Variants in ARL15 observed in about 807,000 individuals in gnomAD.
The protein encoded by ARL15 is ADP-ribosylation factor-like protein 15.
A neutral mutation model predicts 25.2 loss-of-function variants in ARL15; 19 were observed. The ratio of observed to expected loss-of-function variants is 0.75; its 90% CI spans 0.53 to 1.10. The LOEUF (loss-of-function observed/expected upper bound fraction) is 1.10, where lower values mean the gene tolerates loss of function less well. ARL15 is among the 50% of genes least tolerant of loss of function. The probability of loss-of-function intolerance (pLI) is 0.00; values close to 1 mark genes in which losing one functional copy is unlikely to be tolerated. For synonymous variants in ARL15, 94 were observed against 86.8 expected, an observed-to-expected ratio of 1.08 and a Z score of -0.46; for missense variants, 220 against 246.0, an observed-to-expected ratio of 0.89 and a Z score of 0.71.
intron 1 of ARL15, among the ~76,000 whole-genome samples, chr5:54,254,933 C>A (rs1757326172): frequency 6.6e-6 from 1 of 152,230 alleles, no homozygotes; most frequent in South Asian, 2.1e-4. Context: ...GGTTTCCAGT[C>A]TTTCACAGCT....
intron 4 of ARL15, among the ~76,000 whole-genome samples, chr5:54,026,641 GAGTAA>G (rs1404849443): frequency 1.3e-5 from 2 of 152,152 alleles, no homozygotes; most frequent in African/African-American, 2.4e-5. Flanking sequence ...AGATTGTAAG[GAGTAA>G]AATTCCTAAT....
At chr5:54,223,971 C>T (rs1467194756) in intron 1 of ARL15, among the ~76,000 whole-genome samples, 11 of 152,002 alleles carry the variant, frequency 7.2e-5, no homozygotes, top group Admixed American at 1.3e-4. Flanking sequence ...GCAAAAAGTA[C>T]GCATCAGTAC....
intron 4 of ARL15, among the ~76,000 whole-genome samples, chr5:54,048,968 T>C (rs1245993529): frequency 2.0e-5 from 3 of 152,060 alleles, no homozygotes; most frequent in Non-Finnish European, 4.4e-5. Flanking sequence ...AGTGGGTCCC[T>C]GAACCCATCC....
chr5:54,133,739 C>T (rs1753509880), intron 3 of ARL15, among the ~76,000 whole-genome samples: 1 of 152,120 alleles, frequency 6.6e-6, no homozygotes, highest in Non-Finnish European at 1.5e-5. Context: ...TTACCCTAGA[C>T]TGTAGAAAGG....
At chr5:54,021,398 GA>G (rs368993711) in intron 4 of ARL15, among the ~76,000 whole-genome samples, 429 of 152,064 alleles carry the variant, frequency 2.8e-3, no homozygotes, top group African/African-American at 9.9e-3. Flanking sequence ...TAAAACAAAA[GA>G]AAAAATATAA....
chr5:54,192,287 T>C (rs1393929828), intron 1 of ARL15, among the ~76,000 whole-genome samples: 1 of 150,720 alleles, frequency 6.6e-6, no homozygotes, highest in African/African-American at 2.4e-5. Context: ...GCCAAAAAAA[T>C]TGCAACCTTT....
At chr5:54,108,084 A>T (rs702627) in intron 4 of ARL15, among the ~76,000 whole-genome samples, 151,474 of 152,260 alleles carry the variant, frequency 0.99, 75,348 homozygotes, top group East Asian at 1. Flanking sequence ...TTTAGTACTT[A>T]CAGCTTAAAA....
At chr5:53,938,074 C>T (rs1746410321) in intron 4 of ARL15, among the ~76,000 whole-genome samples, 1 of 151,992 alleles carries the variant, frequency 6.6e-6, no homozygotes, top group South Asian at 2.1e-4. Flanking sequence ...TCTCTTGATC[C>T]AGAGGCTTGT....
chr5:53,895,261 G>A (rs1039727281), intron 4 of ARL15, among the ~76,000 whole-genome samples: 1 of 152,196 alleles, frequency 6.6e-6, no homozygotes, highest in South Asian at 2.1e-4. Context: ...TCACACTTTA[G>A]TGGGACAGAG....
intron 4 of ARL15, among the ~76,000 whole-genome samples, chr5:54,071,439 A>G (rs1454249948): frequency 6.6e-6 from 1 of 151,482 alleles, no homozygotes; most frequent in Admixed American, 6.6e-5. Context: ...GGCAAGATAA[A>G]TAACAGTTAC....
intron 4 of ARL15, among the ~76,000 whole-genome samples, chr5:54,057,991 TATTTA>T (rs761755896): frequency 1.2e-5 from 1 of 83,666 alleles, no homozygotes. Context: ...CTGGTGCCTT[TATTTA>T]TTTATTTATT....
At chr5:54,282,573 G>A in intron 1 of ARL15, 4 of 983,670 alleles carry the variant, frequency 4.1e-6, no homozygotes, top group Non-Finnish European at 4.8e-6. Flanking sequence ...TAATACAAGA[G>A]CATCATTTAA....
chr5:54,167,550 A>G (rs951948101), intron 2 of ARL15, among the ~76,000 whole-genome samples: 6 of 152,140 alleles, frequency 3.9e-5, no homozygotes, highest in Non-Finnish European at 8.8e-5. Context: ...TTCTTCTTTT[A>G]GATGGGAGAG....
At chr5:53,971,236 G>GT (rs1384956414) in intron 4 of ARL15, among the ~76,000 whole-genome samples, 1 of 152,136 alleles carries the variant, frequency 6.6e-6, no homozygotes. Flanking sequence ...GAACAATACT[G>GT]GGAGATGAGG....
At chr5:54,029,326 C>CCACCACCACCACCACCACCACCAA (rs1298748723) in intron 4 of ARL15, among the ~76,000 whole-genome samples, 25 of 113,538 alleles carry the variant, frequency 2.2e-4, no homozygotes, top group African/African-American at 9.3e-4. Context: ...ACCACCACCA[C>CCACCACCACCACCACCACCACCAA]CACCACTACC....
chr5:54,272,665 G>A (rs912056839), intron 1 of ARL15, among the ~76,000 whole-genome samples: 1 of 152,058 alleles, frequency 6.6e-6, no homozygotes, highest in African/African-American at 2.4e-5. Flanking sequence ...CCTCACAATG[G>A]CCCTTTGTAA....
At chr5:53,924,953 G>A (rs753124) in intron 4 of ARL15, among the ~76,000 whole-genome samples, 1 of 151,804 alleles carries the variant, frequency 6.6e-6, no homozygotes. Context: ...TTAGACACAA[G>A]AAAGAATTCA....
intron 4 of ARL15, among the ~76,000 whole-genome samples, chr5:54,026,101 T>C (rs1749779772): frequency 6.6e-6 from 1 of 152,220 alleles, no homozygotes. Flanking sequence ...TTTTCATTAG[T>C]AACTGAGTTA....
intron 4 of ARL15, among the ~76,000 whole-genome samples, chr5:54,083,058 G>T (rs1439650372): frequency 1.3e-5 from 2 of 152,156 alleles, no homozygotes; most frequent in Non-Finnish European, 2.9e-5. Context: ...AGCAAATGTG[G>T]TATGTTTAAA....
Sources: allele counts gnomAD v4.1 joint callset (sites outside exome capture counted in the v4.1 genomes callset), GRCh38; gene constraint gnomAD v4.1.1; transcripts MANE v1.5; gene names NCBI Gene and HGNC (gene_info 2026-07-23, HGNC 2026-07-21).